CEP112: variants seen among roughly 807,000 people sequenced by gnomAD.
CEP112 encodes centrosomal protein 112, also known as centrosomal protein of 112 kDa.
CEP112 carries 127 observed loss-of-function variants against 153.0 expected under a neutral mutation model. The ratio of observed to expected loss-of-function variants is 0.83; its 90% confidence interval spans 0.72 to 0.96. The LOEUF is 0.96. Among genes scored for constraint, CEP112 ranks in the 40% least tolerant of loss-of-function variants. CEP112 has a pLI of 0.00. For missense variants in CEP112, 1,089 were observed against 1,101.2 expected (o/e 0.99, Z 0.16); for synonymous variants, 358 against 374.4 (o/e 0.96, Z 0.51).
At chr17:66,074,408 T>C (rs938841029) in intron 8 of CEP112, among the ~76,000 whole-genome samples, 3 of 152,064 alleles carry the variant, frequency 2.0e-5, no homozygotes, top group Admixed American at 6.5e-5. Flanking sequence ...CAAATAAGAA[T>C]AGGGAAAGAT....
At chr17:65,720,950 G>T (rs556125890) in intron 23 of CEP112, among the ~76,000 whole-genome samples, 8 of 150,822 alleles carry the variant, frequency 5.3e-5, no homozygotes, top group South Asian at 4.2e-4. Context: ...TCTGGGATTT[G>T]AACCTAGGCA....
At chr17:65,710,810 G>A (rs140715677) in intron 23 of CEP112, among the ~76,000 whole-genome samples, 7 of 152,296 alleles carry the variant, frequency 4.6e-5, no homozygotes, top group East Asian at 1.9e-4. Flanking sequence ...CTTACTCTGC[G>A]TCCCCGCTCT....
In CEP112 at chr17:66,111,882, T is replaced by C. The variant is rs578116021; in HGVS notation, c.643-15250A>G. 1.9e-4 allele frequency among the ~76,000 whole-genome samples: 29 copies of C among 152,292 alleles called. No individual in the cohort carries two copies. In the South Asian group the frequency reaches 5.8e-3, roughly 31 times the overall value. On this transcript the variant is annotated intron_variant, in intron 6 of 26. Coordinates refer to ENST00000535342, the MANE Select transcript of CEP112 (RefSeq NM_001199165.4). The stretch of plus-strand genomic sequence containing the variant: ...AGAGAGAAATTAATAAACTTGACCA[T>C]TTTAAGAACTTCTCCAAAAAATACA...
chr17:65,853,427 C>T (rs553641037), intron 20 of CEP112, among the ~76,000 whole-genome samples: 22 of 152,210 alleles, frequency 1.4e-4, no homozygotes, highest in Non-Finnish European at 2.8e-4. Flanking sequence ...AACTTGATTA[C>T]ATCTGCAAAA....
chr17:65,973,368 A>G (rs1371714728), intron 17 of CEP112, among the ~76,000 whole-genome samples: 1 of 149,574 alleles, frequency 6.7e-6, no homozygotes, highest in Non-Finnish European at 1.5e-5. Context: ...CTAATAAAAG[A>G]CTGGTAAGCA....
intron 21 of CEP112, among the ~76,000 whole-genome samples, chr17:65,781,201 T>C (rs1414488432): frequency 6.6e-6 from 1 of 152,104 alleles, no homozygotes; most frequent in Non-Finnish European, 1.5e-5. Flanking sequence ...CAAAAATCAG[T>C]AGCATTTCTA....
intron 21 of CEP112, among the ~76,000 whole-genome samples, chr17:65,810,665 T>A (rs566064247): frequency 1.3e-5 from 2 of 151,944 alleles, no homozygotes; most frequent in South Asian, 4.2e-4. Flanking sequence ...TAGAATAATT[T>A]GGCATACGTG....
At chr17:66,025,400 C>T (rs922836796) in intron 16 of CEP112, among the ~76,000 whole-genome samples, 1 of 151,874 alleles carries the variant, frequency 6.6e-6, no homozygotes, top group Admixed American at 6.6e-5. Context: ...GACTGATATC[C>T]AGAATTTACA....
chr17:65,934,817 G>A (rs11079598), intron 18 of CEP112, among the ~76,000 whole-genome samples: 73,077 of 152,084 alleles, frequency 0.48, 18,553 homozygotes, highest in East Asian at 0.89. Flanking sequence ...GGCAATTTAT[G>A]AAGGAAAGAC....
chr17:65,975,334 A>C (rs2062993595), intron 17 of CEP112, among the ~76,000 whole-genome samples: 1 of 152,232 alleles, frequency 6.6e-6, no homozygotes, highest in Non-Finnish European at 1.5e-5. Flanking sequence ...TAGAAATGGA[A>C]TTAGTGTGAG....
intron 16 of CEP112, among the ~76,000 whole-genome samples, chr17:66,007,940 T>C (rs2064343185): frequency 6.6e-6 from 1 of 152,138 alleles, no homozygotes; most frequent in Non-Finnish European, 1.5e-5. Context: ...ATTTATGCCG[T>C]TTTTTCCTGT....
intron 21 of CEP112, among the ~76,000 whole-genome samples, chr17:65,808,252 C>A (rs535164978): frequency 2.8e-4 from 43 of 152,332 alleles, no homozygotes; most frequent in African/African-American, 1.0e-3. Context: ...AGCATTTACC[C>A]AATGCTTGTA....
At chr17:65,971,702 CAT>C (rs2062841994) in intron 17 of CEP112, among the ~76,000 whole-genome samples, 1 of 152,122 alleles carries the variant, frequency 6.6e-6, no homozygotes, top group Non-Finnish European at 1.5e-5. Context: ...ATATTACATG[CAT>C]ATTACATGCA....
chr17:65,980,524 C>A (rs1441970002), intron 17 of CEP112, among the ~76,000 whole-genome samples: 2 of 152,140 alleles, frequency 1.3e-5, no homozygotes, highest in African/African-American at 2.4e-5. Flanking sequence ...CAGACTCATG[C>A]CCTTGGAACA....
intron 18 of CEP112, among the ~76,000 whole-genome samples, chr17:65,951,581 A>T (rs1051920704): frequency 2.0e-5 from 3 of 151,870 alleles, no homozygotes; most frequent in Admixed American, 6.6e-5. Flanking sequence ...CTATCCTTTG[A>T]CTCCTAACTT....
chr17:66,140,905 C>T (rs2070667967), intron 4 of CEP112, among the ~76,000 whole-genome samples: 1 of 152,066 alleles, frequency 6.6e-6, no homozygotes, highest in Non-Finnish European at 1.5e-5. Context: ...CCTCAGCCTC[C>T]CAAAGTGCTG....
chr17:66,015,625 AG>A (rs1452800186), intron 16 of CEP112, among the ~76,000 whole-genome samples: 1 of 152,206 alleles, frequency 6.6e-6, no homozygotes, highest in East Asian at 1.9e-4. Context: ...TATGACATTT[AG>A]GTTTGCAAAT....
intron 8 of CEP112, among the ~76,000 whole-genome samples, chr17:66,081,378 A>C (rs2067710698): frequency 6.6e-6 from 1 of 152,042 alleles, no homozygotes; most frequent in African/African-American, 2.4e-5. Context: ...TATGATTACA[A>C]ATGGTCAGAC....
At chr17:66,054,519 C>G (rs1159191272) in intron 11 of CEP112, among the ~76,000 whole-genome samples, 2 of 152,128 alleles carry the variant, frequency 1.3e-5, no homozygotes, top group Non-Finnish European at 2.9e-5. Flanking sequence ...TTTAAAATTT[C>G]TACACAAACT....
Sources: allele counts gnomAD v4.1 joint callset (sites outside exome capture counted in the v4.1 genomes callset), GRCh38; gene constraint gnomAD v4.1.1; transcripts MANE v1.5; gene names NCBI Gene and HGNC (gene_info 2026-07-23, HGNC 2026-07-21).